The following IQCJ variants were observed in gnomAD, a reference collection of about 807,000 sequenced individuals.
IQCJ encodes the protein IQ motif containing J.
IQCJ carries 9 observed loss-of-function variants against 11.0 expected under a neutral mutation model. That is an observed-to-expected ratio of 0.82 (90% CI 0.49 to 1.43). The LOEUF is 1.43. Ranked by LOEUF, IQCJ falls within the 40% of genes most tolerant of loss-of-function variation. IQCJ has a pLI of 0.00. For missense variants in IQCJ, 146 were observed against 133.2 expected, an observed-to-expected ratio of 1.10 and a Z score of -0.47; for synonymous variants, 55 against 51.3, an observed-to-expected ratio of 1.07 and a Z score of -0.31.
At chr3:159,212,347 T>C (rs1231867856) in intron 1 of IQCJ, among the ~76,000 whole-genome samples, 1 of 152,094 alleles carries the variant, frequency 6.6e-6, no homozygotes, top group Admixed American at 6.6e-5. Context: ...ACCTCAGTCT[T>C]GTTATCTGTA....
At chr3:159,207,812 A>G (rs1053479440) in intron 1 of IQCJ, among the ~76,000 whole-genome samples, 2 of 152,172 alleles carry the variant, frequency 1.3e-5, no homozygotes, top group African/African-American at 4.8e-5. Flanking sequence ...GTAATAACGA[A>G]CTTTATCTCA....
chr3:159,250,345 A>G (rs1261628186), intron 2 of IQCJ, among the ~76,000 whole-genome samples: 2 of 152,186 alleles, frequency 1.3e-5, no homozygotes, highest in African/African-American at 4.8e-5. Context: ...GCCCTACAAT[A>G]TATAACTTTA....
intron 1 of IQCJ, among the ~76,000 whole-genome samples, chr3:159,224,585 A>G (rs2108129338): frequency 6.6e-6 from 1 of 152,344 alleles, no homozygotes; most frequent in African/African-American, 2.4e-5. Flanking sequence ...TTGAACTTCA[A>G]AAGCTGCTAT....
At chr3:159,265,414 A>G (rs759852084), downstream of IQCJ, 27 of 1,605,796 alleles carry the variant, frequency 1.7e-5, no homozygotes, top group Non-Finnish European at 2.0e-5. Flanking sequence ...ATGGACCTCA[A>G]GTTTATGGAG....
chr3:159,204,821 C>T (rs943254786), intron 1 of IQCJ, among the ~76,000 whole-genome samples: 6 of 152,166 alleles, frequency 3.9e-5, no homozygotes, highest in African/African-American at 1.2e-4. Flanking sequence ...ATTGACAAAA[C>T]AGGGAAGTTT....
chr3:159,244,087 G>C (rs937948920), intron 1 of IQCJ, among the ~76,000 whole-genome samples: 15 of 152,210 alleles, frequency 9.9e-5, no homozygotes, highest in African/African-American at 3.6e-4. Flanking sequence ...AGGAGGGTAT[G>C]AGCAGAGAAA....
intron 1 of IQCJ, among the ~76,000 whole-genome samples, chr3:159,144,999 C>G (rs1720842728): frequency 6.6e-6 from 1 of 152,056 alleles, no homozygotes; most frequent in African/African-American, 2.4e-5. Context: ...CTTCTTTTTC[C>G]TTTTCTTTTG....
At chr3:159,245,532 G>A (rs1477700757) in intron 1 of IQCJ, among the ~76,000 whole-genome samples, 1 of 145,158 alleles carries the variant, frequency 6.9e-6, no homozygotes, top group Non-Finnish European at 1.5e-5. Flanking sequence ...CGCAATCTTG[G>A]CTCACTGCAA....
At chr3:159,110,194 A>G (rs1006640394) in intron 1 of IQCJ, among the ~76,000 whole-genome samples, 2 of 152,128 alleles carry the variant, frequency 1.3e-5, no homozygotes, top group African/African-American at 4.8e-5. Context: ...TAGCTATAGG[A>G]TCTTGGGCAG....
intron 1 of IQCJ, among the ~76,000 whole-genome samples, chr3:159,232,870 C>T (rs1726345781): frequency 6.6e-6 from 1 of 152,052 alleles, no homozygotes; most frequent in South Asian, 2.1e-4. Flanking sequence ...CTAAAGAGGA[C>T]TTTAAATGAA....
chr3:159,070,222 G>C (rs913962081), intron 1 of IQCJ: 1 of 152,610 alleles, frequency 6.6e-6, no homozygotes, highest in East Asian at 1.9e-4. Flanking sequence ...TAGTAAAGCA[G>C]CGTGAGAGTG....
intron 1 of IQCJ, among the ~76,000 whole-genome samples, chr3:159,180,218 C>T (rs1416159649): frequency 6.6e-6 from 1 of 152,118 alleles, no homozygotes; most frequent in Non-Finnish European, 1.5e-5. Flanking sequence ...ACAACACATG[C>T]AAATTTTGGC....
rs373699458 is a variant in IQCJ at position 159,193,291 on chromosome 3, C to T, written c.10-52552C>T. Reference sequence around the variant, plus strand: ...CAGTGATGATAGTGGGACAACTTCTCCATCTACCTAATGATTCTAGATCCA... The same window carrying T: ...CAGTGATGATAGTGGGACAACTTCTTCATCTACCTAATGATTCTAGATCCA... On this transcript the variant is annotated intron_variant, in intron 1 of 3. Coordinates refer to ENST00000397832, the MANE Select transcript of IQCJ (RefSeq NM_001042706.3). Among the ~76,000 whole-genome samples the T allele has an allele frequency of 2.6e-5, 4 of 152,178 alleles. No homozygotes were observed. The South Asian group carries it at 8.3e-4, about 32-fold the overall frequency.
intron 1 of IQCJ, among the ~76,000 whole-genome samples, chr3:159,092,206 C>A (rs1717362229): frequency 6.6e-6 from 1 of 151,734 alleles, no homozygotes; most frequent in South Asian, 2.1e-4. Flanking sequence ...GTACTCTTGG[C>A]AAAAATGTTA....
At chr3:159,139,496 C>T (rs1485759832) in intron 1 of IQCJ, among the ~76,000 whole-genome samples, 1 of 152,186 alleles carries the variant, frequency 6.6e-6, no homozygotes, top group African/African-American at 2.4e-5. Flanking sequence ...GCGGTCCTCT[C>T]TCATGAGGTC....
At chr3:159,223,542 T>C (rs2108125896) in intron 1 of IQCJ, among the ~76,000 whole-genome samples, 1 of 152,234 alleles carries the variant, frequency 6.6e-6, no homozygotes, top group African/African-American at 2.4e-5. Context: ...GTTTGGAAGA[T>C]GGAGATACAG....
intron 1 of IQCJ, among the ~76,000 whole-genome samples, chr3:159,077,604 T>C (rs1464607856): frequency 6.6e-6 from 1 of 152,140 alleles, no homozygotes. Context: ...GGGCAGTCTA[T>C]AGCATGAATG....
Position 159,224,090 on chromosome 3 carries a change from T to C in IQCJ, c.10-21753T>C, listed in dbSNP as rs531533358. 4.0e-5 allele frequency among the ~76,000 whole-genome samples: 6 copies of C among 150,766 alleles called. No homozygotes were observed. The East Asian group carries it at 1.2e-3, about 29-fold the overall frequency. ...CACTAAAAAAAAAAAAAACAAGACT[T>C]AAAGAAATGGCTGACTCTGGGTGTG... On this transcript the variant is annotated intron_variant, in intron 1 of 3. Transcript: ENST00000397832.
intron 1 of IQCJ, among the ~76,000 whole-genome samples, chr3:159,154,191 TAGAA>T (rs1216256908): frequency 6.6e-6 from 1 of 152,162 alleles, no homozygotes; most frequent in Non-Finnish European, 1.5e-5. Context: ...TAAAAATCAT[TAGAA>T]AGATTTCACA....
Sources: allele counts gnomAD v4.1 joint callset (sites outside exome capture counted in the v4.1 genomes callset), GRCh38; gene constraint gnomAD v4.1.1; transcripts MANE v1.5; gene names NCBI Gene and HGNC (gene_info 2026-07-23, HGNC 2026-07-21).